PSMD9: variants seen among roughly 807,000 people sequenced by gnomAD.
PSMD9 encodes the protein proteasome 26S subunit, non-ATPase 9.
Under a neutral mutation model 25.9 loss-of-function variants are expected in PSMD9, and 26 were observed. The observed-to-expected ratio is 1.00, with a 90% CI of 0.73 to 1.39. PSMD9 has a LOEUF of 1.39. Ranked by LOEUF, PSMD9 falls within the 40% of genes most tolerant of loss-of-function variation. PSMD9 has a pLI of 0.00. For synonymous variants in PSMD9, 110 were observed against 114.5 expected, an observed-to-expected ratio of 0.96 and a Z score of 0.25; for missense variants, 303 against 299.3, an observed-to-expected ratio of 1.01 and a Z score of -0.09.
rs371346772 is a variant in PSMD9, at chr12:121,894,822, C to T, written c.222C>T (p.Thr74=). The T allele has an allele frequency of 8.1e-6, 13 of 1,613,546 alleles. No homozygotes were observed. Among genetic ancestry groups the T allele is most frequent in the African/African-American group, 6.7e-5 (5 of 74,918 alleles). The change falls in exon 2 of 6, where the codon ACC becomes ACT. Residue 74 remains threonine, a synonymous_variant. Coordinates refer to ENST00000541212, the MANE Select transcript of PSMD9 (RefSeq NM_002813.7). ...ACGTGGACCTGTACCAAGTCCGCACCGCCAGGCACAACATCATATGTGAGT... is the reference window on the plus strand; with the variant it reads ...ACGTGGACCTGTACCAAGTCCGCACTGCCAGGCACAACATCATATGTGAGT... ...RSDVDLYQVR[T]ARHNIICLQN...
At chr12:121,907,867 G>A (rs1879607133) in intron 4 of PSMD9, among the ~76,000 whole-genome samples, 2 of 152,030 alleles carry the variant, frequency 1.3e-5, no homozygotes. Flanking sequence ...TTGTGAGACT[G>A]TGTCTCTCCA....
chr12:121,903,131 C>G (rs528632685), intron 4 of PSMD9, 24 bp downstream of exon 4: 1 of 1,596,322 alleles, frequency 6.3e-7, no homozygotes, highest in African/African-American at 1.3e-5. Context: ...CCTGGTGTCT[C>G]GGTCTGTTTG....
chr12:121,899,074 G>C (rs764827591), intron 2 of PSMD9: 1 of 152,748 alleles, frequency 6.5e-6, no homozygotes, highest in Non-Finnish European at 1.5e-5. Flanking sequence ...CAAGGTGGTC[G>C]CGATCTCTTG....
chr12:121,913,370 C>A (rs1879795785), intron 4 of PSMD9, among the ~76,000 whole-genome samples: 1 of 152,076 alleles, frequency 6.6e-6, no homozygotes, highest in Non-Finnish European at 1.5e-5. Flanking sequence ...TGAGCCACCA[C>A]ACCCAGCCCT....
chr12:121,913,667 AAT>A (rs1035470471), intron 4 of PSMD9, among the ~76,000 whole-genome samples: 3 of 151,154 alleles, frequency 2.0e-5, no homozygotes, highest in African/African-American at 7.3e-5. Flanking sequence ...AATTAAAAAA[AAT>A]ATATGTTTTT....
intron 4 of PSMD9, among the ~76,000 whole-genome samples, chr12:121,904,091 T>C (rs1315864414): frequency 6.6e-6 from 1 of 152,030 alleles, no homozygotes; most frequent in Non-Finnish European, 1.5e-5. Context: ...CCAGGTCAGG[T>C]CAGGAGATGG....
At chr12:121,911,504 T>G (rs1879719965) in intron 4 of PSMD9, among the ~76,000 whole-genome samples, 1 of 152,186 alleles carries the variant, frequency 6.6e-6, no homozygotes, top group African/African-American at 2.4e-5. Context: ...CACCTTTTTG[T>G]TGTGAACAAT....
At chr12:121,901,166 T>C (rs1344608952) in intron 3 of PSMD9, among the ~76,000 whole-genome samples, 1 of 152,008 alleles carries the variant, frequency 6.6e-6, no homozygotes, top group Admixed American at 6.6e-5. Flanking sequence ...GTAAAGAAAC[T>C]CTGTAGTGAT....
chr12:121,910,962 A>G, intron 4 of PSMD9: 1 of 456,278 alleles, frequency 2.2e-6, no homozygotes, highest in Non-Finnish European at 4.4e-6. Flanking sequence ...CCACCATCCT[A>G]CTTTCTGTCT....
At chr12:121,894,680 A>G in intron 1 of PSMD9, 59 bp from the exon 2 acceptor site, 12 of 1,446,574 alleles carry the variant, frequency 8.3e-6, no homozygotes, top group Non-Finnish European at 1.1e-5. Context: ...GGTCTGGGGA[A>G]AGACATCCTG....
In PSMD9 at chr12:121,894,791, G is replaced by A. The variant is rs140713948; in HGVS notation, c.191G>A (p.Arg64Gln). The A allele has an allele frequency of 4.2e-4, 681 of 1,614,070 alleles. No homozygotes were observed. Among genetic ancestry groups the A allele is most frequent in the Admixed American group, 5.2e-4 (31 of 59,990 alleles). Reference protein sequence around the residue: ...EPLVDCEGYPRSDVDLYQVRT... With the variant: ...EPLVDCEGYPQSDVDLYQVRT... The stretch of plus-strand genomic sequence containing the variant: ...CTGGTGGACTGTGAGGGCTACCCCC[G>A]GTCAGACGTGGACCTGTACCAAGTC... The change falls in exon 2 of 6, where the codon CGG becomes CAG. Residue 64 changes from arginine to glutamine, a missense_variant. By Grantham distance (43) the Arg-to-Gln change is conservative (BLOSUM62 1). Coordinates refer to ENST00000541212, the MANE Select transcript of PSMD9 (RefSeq NM_002813.7).
chr12:121,890,200 AGCCACCGCGTCCG>A (rs1879025369), intron 1 of PSMD9, among the ~76,000 whole-genome samples: 1 of 152,056 alleles, frequency 6.6e-6, no homozygotes, highest in Non-Finnish European at 1.5e-5. Flanking sequence ...TACAGGCGTG[AGCCACCGCGTCCG>A]GCCATAAGAT....
At chr12:121,901,541 G>T (rs1291311635) in intron 3 of PSMD9, among the ~76,000 whole-genome samples, 1 of 151,502 alleles carries the variant, frequency 6.6e-6, no homozygotes, top group Non-Finnish European at 1.5e-5. Context: ...TTTTTTTAGA[G>T]ATGGGTTCTC....
In PSMD9 at chr12:121,915,891, A is replaced by T. The variant is rs768929286; in HGVS notation, c.591A>T (p.Glu197Asp). ...PLNVTVIRRG[E>D]KHQLRLVPTR... The stretch of plus-strand genomic sequence containing the variant: ...ATGTGACAGTGATCCGCAGGGGGGA[A>T]AAACACCAGCTTAGACTTGTTCCAA... Residue 197 changes from glutamate (E) to aspartate (D), a missense_variant, in exon 5 of 6, where the codon GAA becomes GAT. Physicochemically the swap from Glu to Asp is conservative, Grantham distance 45 (BLOSUM62 2). Transcript: ENST00000541212. 2 of 1,613,774 alleles carry T rather than the reference A, an allele frequency of 1.2e-6. No homozygotes were observed. Among genetic ancestry groups the T allele is most frequent in the Middle Eastern group, 1.7e-4 (1 of 6,056 alleles).
chr12:121,909,760 G>T (rs1879663783), intron 4 of PSMD9, among the ~76,000 whole-genome samples: 1 of 152,064 alleles, frequency 6.6e-6, no homozygotes, highest in East Asian at 1.9e-4. Flanking sequence ...TGTTCCATTG[G>T]TCGGTTCACC....
chr12:121,908,336 G>C (rs1007608177), intron 4 of PSMD9, among the ~76,000 whole-genome samples: 1 of 151,990 alleles, frequency 6.6e-6, no homozygotes, highest in African/African-American at 2.4e-5. Context: ...GCACCACCAA[G>C]CCCGGCTAAT....
At chr12:121,907,533 C>A (rs905474772) in intron 4 of PSMD9, among the ~76,000 whole-genome samples, 1 of 152,160 alleles carries the variant, frequency 6.6e-6, no homozygotes, top group African/African-American at 2.4e-5. Flanking sequence ...AGATCAAATG[C>A]ATACATTTTC....
chr12:121,896,272 C>T (rs1418950760), intron 2 of PSMD9, among the ~76,000 whole-genome samples: 1 of 151,684 alleles, frequency 6.6e-6, no homozygotes, highest in Non-Finnish European at 1.5e-5. Flanking sequence ...GAGTTTGAGT[C>T]TAGCCTGACC....
At chr12:121,910,373 C>A (rs986745659) in intron 4 of PSMD9, among the ~76,000 whole-genome samples, 3 of 151,326 alleles carry the variant, frequency 2.0e-5, no homozygotes, top group Admixed American at 1.3e-4. Flanking sequence ...TGTGAGCTAC[C>A]ATGCCCGGCC....
Sources: gnomAD v4.1 joint callset for allele counts (sites outside exome capture counted in the v4.1 genomes callset) on GRCh38, gnomAD v4.1.1 for gene constraint, MANE v1.5 for transcripts, NCBI Gene and HGNC (gene_info 2026-07-23, HGNC 2026-07-21) for gene names.